The following NBAS variants were observed in gnomAD, a reference collection of about 807,000 sequenced individuals.
NBAS encodes the protein NAG/BC035112 fusion.
NBAS carries 219 observed loss-of-function variants against 302.5 expected under a neutral mutation model. The observed-to-expected ratio is 0.72, with a 90% CI of 0.65 to 0.81. The LOEUF is 0.81. Among genes scored for constraint, NBAS ranks in the 30% least tolerant of loss-of-function variants. NBAS has a pLI of 0.00. For synonymous variants in NBAS, 1,118 were observed against 1,021.6 expected (o/e 1.09, Z -1.80); for missense variants, 2,932 against 2,841.6 (o/e 1.03, Z -0.72).
chr2:15,406,621 G>A (rs1676427835), intron 25 of NBAS, among the ~76,000 whole-genome samples: 1 of 152,048 alleles, frequency 6.6e-6, no homozygotes, highest in African/African-American at 2.4e-5. Flanking sequence ...AAAGACAACT[G>A]ACCAACTGGG....
chr2:14,841,644 C>A, the NBAS span, among the ~76,000 whole-genome samples: 32,410 of 151,722 alleles, frequency 0.21, 5,618 homozygotes, highest in African/African-American at 0.48. Context: ...CATTATAAAT[C>A]TCTATACACT....
At chr2:14,978,850 C>A in the NBAS span, among the ~76,000 whole-genome samples, 5 of 152,280 alleles carry the variant, frequency 3.3e-5, no homozygotes, top group African/African-American at 1.2e-4. Context: ...TCCCCCATTT[C>A]AACCCCGATA....
chr2:15,174,491 C>T (rs928871344), intron 51 of NBAS, among the ~76,000 whole-genome samples: 2 of 152,182 alleles, frequency 1.3e-5, no homozygotes, highest in Admixed American at 1.3e-4. Flanking sequence ...CATAATCTCA[C>T]CCAAAATGGC....
intron 23 of NBAS, among the ~76,000 whole-genome samples, chr2:15,423,734 A>G (rs1268188456): frequency 6.6e-6 from 1 of 152,222 alleles, no homozygotes; most frequent in Non-Finnish European, 1.5e-5. Flanking sequence ...AAAGACAGGC[A>G]ATAGGTCCGA....
At chr2:14,840,346 A>C in the NBAS span, among the ~76,000 whole-genome samples, 1 of 152,092 alleles carries the variant, frequency 6.6e-6, no homozygotes, top group South Asian at 2.1e-4. Flanking sequence ...CTGAGCAAAA[A>C]CAAGGGGTGG....
At chr2:15,429,475 TG>T (rs1043422855) in intron 21 of NBAS, among the ~76,000 whole-genome samples, 4 of 152,170 alleles carry the variant, frequency 2.6e-5, no homozygotes, top group Admixed American at 2.6e-4. Context: ...CATAAACGTT[TG>T]AAAATTATGT....
chr2:15,173,374 A>T (rs931138504), intron 51 of NBAS, among the ~76,000 whole-genome samples: 1 of 152,218 alleles, frequency 6.6e-6, no homozygotes, highest in African/African-American at 2.4e-5. Flanking sequence ...GAAATTCCAG[A>T]AGCATAATGC....
the NBAS span, among the ~76,000 whole-genome samples, chr2:15,110,098 T>C: frequency 6.6e-6 from 1 of 152,008 alleles, no homozygotes; most frequent in African/African-American, 2.4e-5. Context: ...GTCAATTAAT[T>C]TCTGAAGCTG....
chr2:15,299,014 G>A (rs1276019762), intron 40 of NBAS, among the ~76,000 whole-genome samples: 1 of 152,152 alleles, frequency 6.6e-6, no homozygotes, highest in Non-Finnish European at 1.5e-5. Flanking sequence ...TCACTCGGAA[G>A]TCTTGGTGTT....
chr2:15,474,283 A>G lies in NBAS; in HGVS notation c.1383T>C (p.Thr461=), dbSNP rs746260729. 6.2e-7 allele frequency: 1 copy of G among 1,613,850 alleles called. No individual in the cohort carries two copies. The highest frequency in any genetic ancestry group is 8.5e-7 in the Non-Finnish European group (1 of 1,179,778). The change falls in exon 15 of 52, where the codon ACT becomes ACC. Residue 461 remains threonine (T), a synonymous_variant. Coordinates refer to ENST00000281513, the MANE Select transcript of NBAS (RefSeq NM_015909.4). ...KLAPKRSRLE[T]RAGEEDEGEE... ...CTCCTTCATCTTCTTCTCCAGCTCT[A>G]GTCTCCAAACGAGATCGTTTGGGGG... is the stretch of plus-strand genomic sequence containing the variant.
chr2:15,023,456 G>T, the NBAS span, among the ~76,000 whole-genome samples: 1 of 151,750 alleles, frequency 6.6e-6, no homozygotes, highest in Admixed American at 6.6e-5. Context: ...GAGTAGATCT[G>T]CTGGGACAAA....
At chr2:15,016,819 G>A in the NBAS span, among the ~76,000 whole-genome samples, 37 of 151,888 alleles carry the variant, frequency 2.4e-4, no homozygotes, top group African/African-American at 8.2e-4. Context: ...AAATCAATCC[G>A]TGTATATACA....
the NBAS span, among the ~76,000 whole-genome samples, chr2:15,115,566 T>A: frequency 2.0e-5 from 3 of 152,182 alleles, no homozygotes; most frequent in African/African-American, 7.2e-5. Flanking sequence ...AGTGGTACAA[T>A]CACAGCTCAC....
At chr2:14,867,059 G>T in the NBAS span, among the ~76,000 whole-genome samples, 71 of 152,258 alleles carry the variant, frequency 4.7e-4, no homozygotes, top group African/African-American at 1.5e-3. Context: ...GCAGAGAAAT[G>T]AAAAGCAAAC....
intron 25 of NBAS, among the ~76,000 whole-genome samples, chr2:15,406,834 G>A (rs1676439341): frequency 1.3e-5 from 2 of 152,128 alleles, no homozygotes; most frequent in African/African-American, 2.4e-5. Flanking sequence ...AAACAACACT[G>A]AAATACCATT....
chr2:15,561,195 T>C lies in NBAS; in HGVS notation c.110A>G (p.Glu37Gly). 1 of 1,613,670 alleles carries C rather than the reference T, an allele frequency of 6.2e-7. No homozygotes were observed. Among genetic ancestry groups the C allele is most frequent in the Non-Finnish European group, 8.5e-7 (1 of 1,179,904 alleles). The change falls in exon 1 of 52, where the codon GAA becomes GGA. Residue 37 changes from glutamate (E) to glycine (G), a missense_variant. Transcript: ENST00000281513. Reference sequence around the variant, plus strand: ...TAGATGGGCCTGGTTCACCTGTACTTCAGTCTCCGGTGGCCACTCGGTGTT... The same window carrying C: ...TAGATGGGCCTGGTTCACCTGTACTCCAGTCTCCGGTGGCCACTCGGTGTT... ...LVNTEWPPET[E>G]VQPRGNQKHG...
intron 9 of NBAS, among the ~76,000 whole-genome samples, chr2:15,515,553 A>C (rs1350958162): frequency 1.3e-5 from 2 of 152,186 alleles, no homozygotes; most frequent in African/African-American, 4.8e-5. Context: ...AAGGGGTATC[A>C]ACCCCAATTC....
At chr2:14,900,768 G>A in the NBAS span, among the ~76,000 whole-genome samples, 1 of 152,170 alleles carries the variant, frequency 6.6e-6, no homozygotes, top group African/African-American at 2.4e-5. Context: ...ATAAGTTCAA[G>A]AACAAAGTAT....
At chr2:15,471,516 CTA>C (rs1679955548) in intron 16 of NBAS, among the ~76,000 whole-genome samples, 1 of 152,178 alleles carries the variant, frequency 6.6e-6, no homozygotes, top group South Asian at 2.1e-4. Flanking sequence ...ATTTTCCTTT[CTA>C]TATGTTAAGA....
Sources: gnomAD v4.1 joint callset for allele counts (sites outside exome capture counted in the v4.1 genomes callset) on GRCh38, gnomAD v4.1.1 for gene constraint, MANE v1.5 for transcripts, NCBI Gene and HGNC (gene_info 2026-07-23, HGNC 2026-07-21) for gene names.